The following PRUNE1 variants were observed in gnomAD, a reference collection of about 807,000 sequenced individuals.
The protein encoded by PRUNE1 is exopolyphosphatase PRUNE1.
PRUNE1 carries 25 observed loss-of-function variants against 42.5 expected under a neutral mutation model. That is an observed-to-expected ratio of 0.59 (90% confidence interval 0.43 to 0.82). PRUNE1 has a LOEUF of 0.82. Ranked by LOEUF, PRUNE1 falls within the 40% of genes least tolerant of loss-of-function variation. The pLI, the probability that PRUNE1 is intolerant of heterozygous loss-of-function variation, is 0.00. For synonymous variants in PRUNE1, 203 were observed against 217.1 expected (o/e 0.93, Z 0.57); for missense variants, 443 against 539.3 (o/e 0.82, Z 1.77).
intron 1 of PRUNE1, among the ~76,000 whole-genome samples, chr1:151,010,794 T>C (rs1446624160): frequency 1.3e-5 from 2 of 151,950 alleles, no homozygotes; most frequent in Non-Finnish European, 2.9e-5. Context: ...TAGCTGGGAT[T>C]ACAAGTGTGC....
At position 151,034,463 on chromosome 1, in the gene PRUNE1, C is replaced by A. The variant is rs1675440446; in HGVS notation, c.*229C>A. On this transcript the variant is annotated 3_prime_UTR_variant, in exon 8 of 8. Coordinates refer to ENST00000271620, the MANE Select transcript of PRUNE1 (RefSeq NM_021222.3). ...ATCAGACACATTTTATTATTTAAAT[C>A]TGCACCTCTCTCTATTTTATTTGCC... 1.9e-6 allele frequency: 1 copy of A among 516,482 alleles called. No individual in the cohort carries two copies. Among genetic ancestry groups the A allele is most frequent in the Non-Finnish European group, 3.5e-6 (1 of 288,878 alleles). 32.0% of individuals were successfully genotyped at this position (516,482 alleles called of 1,614,324 possible).
chr1:151,034,373 A>T lies in PRUNE1; in HGVS notation c.*139A>T. ...CTGTTCTCATAAAACTGAGAGGAGAAAAAAAGTGAAAGAAAGCAGCTGCTT... is the reference window on the plus strand; with the variant it reads ...CTGTTCTCATAAAACTGAGAGGAGATAAAAAGTGAAAGAAAGCAGCTGCTT... On this transcript the variant is annotated 3_prime_UTR_variant, in exon 8 of 8. Transcript: ENST00000271620. 1 of 901,076 alleles carries T rather than the reference A, an allele frequency of 1.1e-6. No homozygotes were observed. Among genetic ancestry groups the T allele is most frequent in the Non-Finnish European group, 1.6e-6 (1 of 609,596 alleles). The allele number at this position is 901,076 out of a possible 1,614,324, so 55.8% of individuals were successfully genotyped here.
chr1:151,017,303 A>T (rs1674167403), intron 1 of PRUNE1, among the ~76,000 whole-genome samples: 1 of 152,114 alleles, frequency 6.6e-6, no homozygotes. Flanking sequence ...GATAGGAGGA[A>T]AGAACACTTT....
intron 3 of PRUNE1, among the ~76,000 whole-genome samples, chr1:151,023,172 G>T (rs1674582699): frequency 6.6e-6 from 1 of 152,030 alleles, no homozygotes; most frequent in African/African-American, 2.4e-5. Flanking sequence ...TTATATTCTG[G>T]GTCCTAAAAG....
intron 1 of PRUNE1, among the ~76,000 whole-genome samples, chr1:151,013,284 T>C (rs1264438625): frequency 6.6e-6 from 1 of 152,164 alleles, no homozygotes; most frequent in East Asian, 1.9e-4. Context: ...CAGTGGGTGT[T>C]GACAGGGGAG....
chr1:151,033,605 T>TG (rs1175158359), intron 7 of PRUNE1, among the ~76,000 whole-genome samples: 5 of 149,660 alleles, frequency 3.3e-5, no homozygotes, highest in African/African-American at 1.2e-4. Context: ...TTAGCCAGGA[T>TG]GGTCTCAATC....
intron 1 of PRUNE1, among the ~76,000 whole-genome samples, chr1:151,015,606 C>A (rs1229603988): frequency 1.4e-5 from 2 of 147,744 alleles, no homozygotes; most frequent in Admixed American, 1.4e-4. Context: ...TGTACTACAG[C>A]CTGGGCGACA....
rs991184885 is a variant in PRUNE1 at position 151,008,455 on chromosome 1, T to C, written c.-178T>C. ...CGACGCCGGACTCCGGAGCGCCCGC[T>C]TACGCAGTTCCTCCCGGGGTCGGAG... On this transcript the variant is annotated 5_prime_UTR_variant, in exon 1 of 8. Transcript: ENST00000271620. 1.9e-5 allele frequency: 21 copies of C among 1,082,200 alleles called. No individual in the cohort carries two copies. Among genetic ancestry groups the C allele is most frequent in the Non-Finnish European group, 2.8e-5 (21 of 740,088 alleles). The allele number at this position is 1,082,200 out of a possible 1,614,324, so 67.0% of individuals were successfully genotyped here.
At chr1:151,014,704 T>G (rs993040009) in intron 1 of PRUNE1, among the ~76,000 whole-genome samples, 1 of 152,204 alleles carries the variant, frequency 6.6e-6, no homozygotes, top group Non-Finnish European at 1.5e-5. Flanking sequence ...ATTGAAGAAG[T>G]CAGACTATAT....
chr1:151,029,008 C>G, intron 7 of PRUNE1, 64 bp downstream of exon 7: 1 of 1,487,376 alleles, frequency 6.7e-7, no homozygotes, highest in Non-Finnish European at 9.3e-7. Flanking sequence ...TACCTCTGTG[C>G]TCTACAGCTG....
At chr1:151,013,927 G>A (rs1673937001) in intron 1 of PRUNE1, among the ~76,000 whole-genome samples, 1 of 151,984 alleles carries the variant, frequency 6.6e-6, no homozygotes, top group Non-Finnish European at 1.5e-5. Context: ...TTGGAAAAAA[G>A]TAAAGAATCC....
chr1:151,009,272 T>C (rs587696773), intron 1 of PRUNE1, among the ~76,000 whole-genome samples: 1 of 152,352 alleles, frequency 6.6e-6, no homozygotes, highest in Non-Finnish European at 1.5e-5. Flanking sequence ...GGCATATTTG[T>C]TGACCCACAA....
chr1:151,029,609 C>T (rs148023983), intron 7 of PRUNE1, among the ~76,000 whole-genome samples: 10,549 of 151,478 alleles, frequency 0.07, 1,161 homozygotes, highest in African/African-American at 0.23. Flanking sequence ...CCTCGTGATC[C>T]GCCCGCCTTG....
intron 1 of PRUNE1, among the ~76,000 whole-genome samples, chr1:151,015,914 C>A (rs952499452): frequency 6.6e-6 from 1 of 152,076 alleles, no homozygotes; most frequent in African/African-American, 2.4e-5. Flanking sequence ...TGTCTCATCC[C>A]ATCCTCTCTC....
chr1:151,011,420 A>C (rs1218220579), intron 1 of PRUNE1, among the ~76,000 whole-genome samples: 1 of 152,102 alleles, frequency 6.6e-6, no homozygotes, highest in Non-Finnish European at 1.5e-5. Context: ...GCTGCATTGC[A>C]GTTTAGGTGT....
intron 1 of PRUNE1, among the ~76,000 whole-genome samples, chr1:151,013,626 C>G (rs587699831): frequency 6.6e-6 from 1 of 152,318 alleles, no homozygotes; most frequent in East Asian, 1.9e-4. Context: ...GTAGGTCTCT[C>G]CTGCTTGCTC....
chr1:151,024,074 G>A (rs999748789), intron 3 of PRUNE1, among the ~76,000 whole-genome samples: 2 of 151,378 alleles, frequency 1.3e-5, no homozygotes, highest in African/African-American at 4.9e-5. Flanking sequence ...TGTAATCCTG[G>A]TTACCCAGGA....
intron 1 of PRUNE1, among the ~76,000 whole-genome samples, chr1:151,014,404 G>A (rs1673973630): frequency 6.6e-6 from 1 of 152,156 alleles, no homozygotes; most frequent in Non-Finnish European, 1.5e-5. Context: ...TTCTCTCCAG[G>A]GATGGGAGTA....
Position 151,027,338 on chromosome 1 carries a change from G to A in PRUNE1, c.774+11G>A, listed in dbSNP as rs369633480. 1.8e-4 allele frequency: 280 copies of A among 1,576,280 alleles called. No homozygotes were observed. The highest frequency in any genetic ancestry group is 2.3e-4 in the Non-Finnish European group (262 of 1,146,280). Reference sequence around the variant, plus strand: ...TATATGGATTTGGAGGTAAGAGCAAGTTGTGGCTGTGGGTGGGGAGAGAAA... The same window carrying A: ...TATATGGATTTGGAGGTAAGAGCAAATTGTGGCTGTGGGTGGGGAGAGAAA... On this transcript the variant is annotated intron_variant, in intron 6 of 7. Coordinates refer to ENST00000271620, the MANE Select transcript of PRUNE1 (RefSeq NM_021222.3).
Sources: gnomAD v4.1 joint callset for allele counts (sites outside exome capture counted in the v4.1 genomes callset) on GRCh38, gnomAD v4.1.1 for gene constraint, MANE v1.5 for transcripts, NCBI Gene and HGNC (gene_info 2026-07-23, HGNC 2026-07-21) for gene names.